Variants in ARHGAP24 observed in about 807,000 individuals in gnomAD.
ARHGAP24 encodes the protein Rho GTPase activating protein 24, also known as rho GTPase-activating protein 24.
Under a neutral mutation model 76.4 loss-of-function variants are expected in ARHGAP24, and 50 were observed. The ratio of observed to expected loss-of-function variants is 0.65; its 90% CI spans 0.52 to 0.83. The LOEUF (loss-of-function observed/expected upper bound fraction) is 0.83. ARHGAP24 is among the 40% of genes least tolerant of loss of function. The probability of loss-of-function intolerance (pLI) is 0.00; values close to 1 mark genes in which losing one functional copy is unlikely to be tolerated. For synonymous variants in ARHGAP24, 345 were observed against 323.3 expected, an observed-to-expected ratio of 1.07 and a Z score of -0.72; for missense variants, 930 against 914.2, an observed-to-expected ratio of 1.02 and a Z score of -0.22.
At chr4:85,567,517 G>T (rs1338251924) in intron 1 of ARHGAP24, among the ~76,000 whole-genome samples, 1 of 152,162 alleles carries the variant, frequency 6.6e-6, no homozygotes, top group East Asian at 1.9e-4. Flanking sequence ...CTAAGATCAG[G>T]TTTGGGGGAA....
At chr4:85,849,260 G>A (rs1207711865) in intron 3 of ARHGAP24, among the ~76,000 whole-genome samples, 1 of 150,104 alleles carries the variant, frequency 6.7e-6, no homozygotes, top group African/African-American at 2.4e-5. Flanking sequence ...TCTGTTGTTG[G>A]TGTATAAGAA....
At chr4:85,846,631 A>G (rs1016867548) in intron 3 of ARHGAP24, among the ~76,000 whole-genome samples, 1 of 152,222 alleles carries the variant, frequency 6.6e-6, no homozygotes, top group African/African-American at 2.4e-5. Context: ...CATAGTGGTT[A>G]TTAACCAACT....
At position 85,930,486 on chromosome 4, in the gene ARHGAP24, A is replaced by G. The variant is rs550186965; in HGVS notation, c.391+6716A>G. On this transcript the variant is annotated intron_variant, in intron 4 of 9. Coordinates refer to ENST00000395184, the MANE Select transcript of ARHGAP24 (RefSeq NM_001025616.3). ...AATATTCCTCAGGGGACTTTTTGTC[A>G]TTGTTCCTCTTTCCTCTTGCACAGA... 22 of 991,154 alleles carry G rather than the reference A, an allele frequency of 2.2e-5. No individual in the cohort carries two copies. The East Asian group carries it at 7.9e-4, about 35-fold the overall frequency. 61.4% of individuals were successfully genotyped at this position (991,154 alleles called of 1,614,324 possible). A position where few individuals can be genotyped will look rare whatever the true frequency, so the allele number is the denominator to read the frequency against.
intron 2 of ARHGAP24, among the ~76,000 whole-genome samples, chr4:85,625,738 T>C (rs905506055): frequency 6.6e-6 from 1 of 152,204 alleles, no homozygotes; most frequent in Non-Finnish European, 1.5e-5. Flanking sequence ...GGACTTGCTT[T>C]ATGAATCTGG....
chr4:85,910,230 T>A (rs1385781596), intron 3 of ARHGAP24, among the ~76,000 whole-genome samples: 2 of 151,830 alleles, frequency 1.3e-5, no homozygotes, highest in African/African-American at 2.4e-5. Flanking sequence ...AAAGAGGGAG[T>A]CACAGCCCTG....
chr4:85,894,034 G>T (rs1344318400), intron 3 of ARHGAP24, among the ~76,000 whole-genome samples: 6 of 142,614 alleles, frequency 4.2e-5, no homozygotes, highest in Non-Finnish European at 6.0e-5. Context: ...CACCAGCATG[G>T]CACATGTATA....
intron 2 of ARHGAP24, among the ~76,000 whole-genome samples, chr4:85,609,782 C>T (rs1472627905): frequency 6.6e-6 from 1 of 152,150 alleles, no homozygotes; most frequent in East Asian, 1.9e-4. Flanking sequence ...ATTAAATCAG[C>T]AGGGTATCTT....
In ARHGAP24 at chr4:85,643,026, A is replaced by G. The variant is rs533861680; in HGVS notation, c.180+72305A>G. 2.0e-5 allele frequency among the ~76,000 whole-genome samples: 3 copies of G among 152,038 alleles called. No individual in the cohort carries two copies. In the South Asian group the frequency reaches 6.2e-4, roughly 32 times the overall value. On this transcript the variant is annotated intron_variant, in intron 2 of 9. Coordinates refer to ENST00000395184, the MANE Select transcript of ARHGAP24 (RefSeq NM_001025616.3). Reference sequence around the variant, plus strand: ...TCATAATCCCACTTGGGGACTTTGCAGTAGTTCTCATCTTCCTCAAGCCTT... The same window carrying G: ...TCATAATCCCACTTGGGGACTTTGCGGTAGTTCTCATCTTCCTCAAGCCTT...
chr4:85,561,695 T>C (rs535285210), intron 1 of ARHGAP24, among the ~76,000 whole-genome samples: 2 of 152,302 alleles, frequency 1.3e-5, no homozygotes, highest in South Asian at 4.1e-4. Flanking sequence ...ATTTTATAGT[T>C]TTATGCTTTT....
chr4:85,550,828 A>G (rs908670642), intron 1 of ARHGAP24, among the ~76,000 whole-genome samples: 1 of 152,112 alleles, frequency 6.6e-6, no homozygotes. Context: ...ATGGGATTGC[A>G]TTCTTGATCT....
chr4:85,949,773 TA>T (rs1347517173), intron 5 of ARHGAP24, among the ~76,000 whole-genome samples: 1 of 152,206 alleles, frequency 6.6e-6, no homozygotes, highest in African/African-American at 2.4e-5. Context: ...GAAGTAATGT[TA>T]TAGATATATA....
At chr4:85,569,176 C>A (rs551007609) in intron 1 of ARHGAP24, among the ~76,000 whole-genome samples, 82 of 152,248 alleles carry the variant, frequency 5.4e-4, no homozygotes, top group Non-Finnish European at 9.0e-4. Context: ...GCTTGTCTTC[C>A]AGAATTGATC....
chr4:85,796,582 G>T (rs1728351196), intron 3 of ARHGAP24, among the ~76,000 whole-genome samples: 1 of 152,184 alleles, frequency 6.6e-6, no homozygotes, highest in Non-Finnish European at 1.5e-5. Flanking sequence ...AAACCGCATA[G>T]TAATTTGAAC....
rs185968396 is a variant in ARHGAP24 at position 85,525,849 on chromosome 4, G to A, written c.-20-44673G>A. Among the ~76,000 whole-genome samples the A allele has an allele frequency of 2.0e-5, 3 of 152,248 alleles. No homozygotes were observed. In the East Asian group the frequency reaches 5.8e-4, roughly 30 times the overall value. ...CACAACCTAGAGTTCTTGAAGTGTT[G>A]TCATGAATGTTCTCCTTGTTGCTAT... On this transcript the variant is annotated intron_variant, in intron 1 of 9. Transcript: ENST00000395184.
At chr4:85,653,599 G>A (rs996912326) in intron 2 of ARHGAP24, among the ~76,000 whole-genome samples, 4 of 151,934 alleles carry the variant, frequency 2.6e-5, no homozygotes, top group African/African-American at 9.7e-5. Flanking sequence ...TCAGCCTCCT[G>A]AGTAGCTGGG....
intron 1 of ARHGAP24, among the ~76,000 whole-genome samples, chr4:85,517,463 A>AT (rs1379541031): frequency 2.0e-5 from 3 of 152,116 alleles, no homozygotes; most frequent in African/African-American, 4.8e-5. Flanking sequence ...ACAATTTAAA[A>AT]TTTTTTTAAC....
chr4:85,740,711 C>T (rs909056724), intron 3 of ARHGAP24, among the ~76,000 whole-genome samples: 13 of 152,276 alleles, frequency 8.5e-5, no homozygotes, highest in African/African-American at 2.9e-4. Flanking sequence ...TTCTTTCCTT[C>T]GTGTGAGTGG....
At position 85,475,400 on chromosome 4, in the gene ARHGAP24, A is replaced by C. The variant is rs11946338; in HGVS notation, c.-180A>C. 2 of 152,668 alleles carry C rather than the reference A, an allele frequency of 1.3e-5. No homozygotes were observed. The highest frequency in any genetic ancestry group is 2.9e-5 in the Non-Finnish European group (2 of 68,132). 9.5% of individuals were successfully genotyped at this position (152,668 alleles called of 1,614,324 possible). A position where few individuals can be genotyped will look rare whatever the true frequency, so the allele number is the denominator to read the frequency against. ...ATTTCCTCCGAAACCCGCGCTGCGG[A>C]GCAGCCCAGTGCATAGAGTTCAACA... On this transcript the variant is annotated 5_prime_UTR_variant, in exon 1 of 10. Coordinates refer to ENST00000395184, the MANE Select transcript of ARHGAP24 (RefSeq NM_001025616.3).
At chr4:85,705,812 A>G (rs184972413) in intron 2 of ARHGAP24, among the ~76,000 whole-genome samples, 3 of 152,312 alleles carry the variant, frequency 2.0e-5, no homozygotes, top group Admixed American at 1.3e-4. Context: ...CTCATGTTGG[A>G]TACTGTTTTA....
Sources: gnomAD v4.1 joint callset for allele counts (sites outside exome capture counted in the v4.1 genomes callset) on GRCh38, gnomAD v4.1.1 for gene constraint, MANE v1.5 for transcripts, NCBI Gene and HGNC (gene_info 2026-07-23, HGNC 2026-07-21) for gene names.